Variants in CADM1 observed in about 807,000 individuals in gnomAD.
The protein encoded by CADM1 is cell adhesion molecule 1.
In CADM1, 15 loss-of-function variants were observed where a neutral mutation model predicts 53.1. The observed-to-expected ratio is 0.28, with a 90% CI of 0.19 to 0.44. CADM1 has a LOEUF of 0.44. Among genes scored for constraint, CADM1 ranks in the 20% least tolerant of loss-of-function variants. The pLI is 1.00. For missense variants in CADM1, 434 were observed against 611.3 expected, an observed-to-expected ratio of 0.71 and a Z score of 3.06; for synonymous variants, 281 against 243.0, an observed-to-expected ratio of 1.16 and a Z score of -1.45.
intron 6 of CADM1, among the ~76,000 whole-genome samples, chr11:115,217,200 C>CT (rs986498845): frequency 1.1e-4 from 17 of 152,222 alleles, no homozygotes; most frequent in African/African-American, 3.9e-4. Flanking sequence ...CACTGTGTGG[C>CT]TTTTTTTCTT....
rs139739738 is a variant in CADM1 at position 115,186,736 on chromosome 11, C to T, written c.1165+4152G>A. On this transcript the variant is annotated intron_variant, in intron 10 of 11. Coordinates refer to ENST00000331581, the MANE Select transcript of CADM1 (RefSeq NM_001301043.2). ...CTCATCTATCTGGGTCTTCCTGTCCCAATGGCCTTCCCTGGTAAACTTTTC... is the reference window on the plus strand; with the variant it reads ...CTCATCTATCTGGGTCTTCCTGTCCTAATGGCCTTCCCTGGTAAACTTTTC... Among the ~76,000 whole-genome samples the T allele has an allele frequency of 6.7e-3, 1,027 of 152,322 alleles. 17 individuals carry two copies. Among genetic ancestry groups the T allele is most frequent in the African/African-American group, 0.023 (936 of 41,558 alleles).
chr11:115,465,448 T>A (rs1463368208), intron 1 of CADM1, among the ~76,000 whole-genome samples: 3 of 152,152 alleles, frequency 2.0e-5, no homozygotes, highest in Non-Finnish European at 4.4e-5. Flanking sequence ...TGTCTTGGCA[T>A]ATGACACCCA....
At chr11:115,221,886 C>T (rs574354865) in intron 5 of CADM1, among the ~76,000 whole-genome samples, 2 of 152,190 alleles carry the variant, frequency 1.3e-5, no homozygotes, top group Admixed American at 1.3e-4. Flanking sequence ...TCCCTGGAGT[C>T]CCCACAACCT....
intron 1 of CADM1, among the ~76,000 whole-genome samples, chr11:115,503,583 G>T (rs1217559130): frequency 6.6e-6 from 1 of 152,076 alleles, no homozygotes; most frequent in African/African-American, 2.4e-5. Flanking sequence ...GGGCCGGGCC[G>T]GGGAACTTTC....
At chr11:115,418,157 T>C (rs1046418690) in intron 1 of CADM1, among the ~76,000 whole-genome samples, 3 of 152,182 alleles carry the variant, frequency 2.0e-5, no homozygotes, top group Admixed American at 2.0e-4. Flanking sequence ...GAGAGAACAT[T>C]TGCCTTGCCC....
intron 1 of CADM1, among the ~76,000 whole-genome samples, chr11:115,319,935 C>T (rs1235365463): frequency 2.6e-5 from 4 of 152,040 alleles, no homozygotes; most frequent in African/African-American, 9.7e-5. Context: ...CCTGTTGGGG[C>T]CTTATTTGGA....
At chr11:115,373,303 G>A (rs1195020451) in intron 1 of CADM1, among the ~76,000 whole-genome samples, 1 of 152,114 alleles carries the variant, frequency 6.6e-6, no homozygotes, top group Non-Finnish European at 1.5e-5. Context: ...GGTCAACCTT[G>A]GCCAGGCGCA....
intron 1 of CADM1, among the ~76,000 whole-genome samples, chr11:115,349,225 G>A (rs1202883435): frequency 6.6e-6 from 1 of 152,066 alleles, no homozygotes; most frequent in African/African-American, 2.4e-5. Context: ...AAAGCAAGGT[G>A]GTTAGGATGT....
intron 1 of CADM1, among the ~76,000 whole-genome samples, chr11:115,478,569 CTCTCTT>C (rs1271656977): frequency 1.4e-5 from 2 of 140,216 alleles, no homozygotes; most frequent in African/African-American, 5.0e-5. Context: ...TTTGTATCTT[CTCTCTT>C]TCTCTAATTA....
intron 1 of CADM1, among the ~76,000 whole-genome samples, chr11:115,266,015 G>T (rs1943123916): frequency 6.6e-6 from 1 of 152,190 alleles, no homozygotes; most frequent in Non-Finnish European, 1.5e-5. Context: ...AACCGTAGAA[G>T]TGGGGCCCAA....
chr11:115,184,931 G>A (rs1591583011), intron 10 of CADM1, among the ~76,000 whole-genome samples: 1 of 152,188 alleles, frequency 6.6e-6, no homozygotes. Context: ...AACAGGGGAC[G>A]AGCTAGGAGC....
chr11:115,396,428 T>C (rs1229160294), intron 1 of CADM1, among the ~76,000 whole-genome samples: 1 of 152,190 alleles, frequency 6.6e-6, no homozygotes, highest in Non-Finnish European at 1.5e-5. Context: ...TACATAACAT[T>C]TTTTCCTTAG....
At chr11:115,183,869 A>T (rs1939423652) in intron 10 of CADM1, among the ~76,000 whole-genome samples, 1 of 152,214 alleles carries the variant, frequency 6.6e-6, no homozygotes, top group Non-Finnish European at 1.5e-5. Flanking sequence ...GTTTAGGGAC[A>T]GTTCAGATGC....
intron 1 of CADM1, among the ~76,000 whole-genome samples, chr11:115,329,239 T>C (rs913118981): frequency 1.3e-5 from 2 of 152,294 alleles, no homozygotes; most frequent in Admixed American, 1.3e-4. Flanking sequence ...TGTAGTGTGG[T>C]ATATCAGTAC....
At chr11:115,474,698 T>C (rs1422788826) in intron 1 of CADM1, among the ~76,000 whole-genome samples, 2 of 73,762 alleles carry the variant, frequency 2.7e-5, no homozygotes, top group African/African-American at 1.1e-4. Flanking sequence ...GGGCCAGTCG[T>C]GGGGTGGGGG....
intron 1 of CADM1, among the ~76,000 whole-genome samples, chr11:115,463,761 G>A (rs1240447445): frequency 1.3e-5 from 2 of 150,816 alleles, no homozygotes; most frequent in Admixed American, 6.7e-5. Flanking sequence ...GTGTTTTAAC[G>A]CTCCCAACCT....
intron 1 of CADM1, among the ~76,000 whole-genome samples, chr11:115,337,315 G>A (rs891206390): frequency 1.3e-5 from 2 of 152,134 alleles, no homozygotes. Context: ...AGGTGTTGCA[G>A]GTAACAGAAT....
At chr11:115,321,730 C>T (rs1363840187) in intron 1 of CADM1, among the ~76,000 whole-genome samples, 2 of 152,152 alleles carry the variant, frequency 1.3e-5, no homozygotes, top group South Asian at 2.1e-4. Context: ...TTTCTGACTA[C>T]ATTATTACAA....
Position 115,309,448 on chromosome 11 carries a change from T to C in CADM1, c.125-69028A>G, listed in dbSNP as rs565408793. ...AAAAAGTATCGTGAAATATTACTGC[T>C]TTTAAAACGGTTCATTTTCTTTGAG... On this transcript the variant is annotated intron_variant, in intron 1 of 11. Transcript: ENST00000331581. 1.1e-4 allele frequency among the ~76,000 whole-genome samples: 17 copies of C among 152,288 alleles called. No homozygotes were observed. The South Asian group carries it at 3.5e-3, about 32-fold the overall frequency.
Sources: allele counts gnomAD v4.1 joint callset (sites outside exome capture counted in the v4.1 genomes callset), GRCh38; gene constraint gnomAD v4.1.1; transcripts MANE v1.5; gene names NCBI Gene and HGNC (gene_info 2026-07-23, HGNC 2026-07-21).